COL21A1: variants seen among roughly 807,000 people sequenced by gnomAD.
The protein encoded by COL21A1 is collagen alpha-1(XXI) chain.
A neutral mutation model predicts 137.9 loss-of-function variants in COL21A1; 149 were observed. The observed-to-expected ratio is 1.08, with a 90% CI of 0.95 to 1.24. The LOEUF (loss-of-function observed/expected upper bound fraction) is 1.24, where lower values mean the gene tolerates loss of function less well. Ranked by LOEUF, COL21A1 falls within the 50% of genes most tolerant of loss-of-function variation. The pLI, the probability that COL21A1 is intolerant of heterozygous loss-of-function variation, is 0.00. For missense variants in COL21A1, 1,167 were observed against 1,158.4 expected (o/e 1.01, Z -0.11); for synonymous variants, 456 against 391.5 (o/e 1.16, Z -1.95).
At position 56,179,675 on chromosome 6, in the gene COL21A1, A is replaced by T. The variant is rs762327827; in HGVS notation, c.543T>A (p.Ala181=). The T allele has an allele frequency of 6.2e-7, 1 of 1,613,958 alleles. No individual in the cohort carries two copies. Among genetic ancestry groups the T allele is most frequent in the East Asian group, 2.2e-5 (1 of 44,880 alleles). Residue 181 remains alanine (A), a synonymous_variant, in exon 3 of 30, where the codon GCT becomes GCA. Transcript: ENST00000244728. ...AAGTAGACGAAGGCTTGTTGGCAAT[A>T]GCTCTAAGTTCGGCATCTTCTGTTT... The part of the protein sequence containing the change: ...GSETEDAELR[A]IANKPSSTYV...
intron 1 of COL21A1, among the ~76,000 whole-genome samples, chr6:56,332,307 G>A (rs1351057935): frequency 2.0e-5 from 3 of 151,868 alleles, no homozygotes; most frequent in Non-Finnish European, 2.9e-5. Flanking sequence ...TTTCAACTAT[G>A]ATTTCTTTAA....
intron 1 of COL21A1, among the ~76,000 whole-genome samples, chr6:56,382,153 T>C (rs1343623904): frequency 6.6e-6 from 1 of 152,198 alleles, no homozygotes; most frequent in Non-Finnish European, 1.5e-5. Context: ...ATCTACACAA[T>C]AGTACCATTG....
intron 1 of COL21A1, among the ~76,000 whole-genome samples, chr6:56,324,671 C>A (rs777164066): frequency 6.6e-6 from 1 of 151,930 alleles, no homozygotes; most frequent in Non-Finnish European, 1.5e-5. Flanking sequence ...CAGCCACGGA[C>A]CCCCAAGTAT....
chr6:56,228,333 G>C (rs1781339351), intron 1 of COL21A1, among the ~76,000 whole-genome samples: 1 of 151,826 alleles, frequency 6.6e-6, no homozygotes, highest in African/African-American at 2.4e-5. Flanking sequence ...AGAGCAGAAA[G>C]TGATTTGAGA....
chr6:56,288,881 T>C (rs1763974815), intron 1 of COL21A1, among the ~76,000 whole-genome samples: 1 of 152,214 alleles, frequency 6.6e-6, no homozygotes, highest in Non-Finnish European at 1.5e-5. Flanking sequence ...GACCTGTATA[T>C]CACAGTGTCT....
At chr6:56,110,820 G>T (rs142312564) in intron 16 of COL21A1, among the ~76,000 whole-genome samples, 2 of 152,056 alleles carry the variant, frequency 1.3e-5, no homozygotes, top group Admixed American at 1.3e-4. Context: ...ATAAAATAAA[G>T]AAAACTCACA....
chr6:56,385,684 C>T (rs1581798356), intron 1 of COL21A1, among the ~76,000 whole-genome samples: 1 of 152,160 alleles, frequency 6.6e-6, no homozygotes, highest in Non-Finnish European at 1.5e-5. Flanking sequence ...TTTATCACCC[C>T]AAAAGAAATC....
chr6:56,294,528 T>A (rs1764120958), intron 1 of COL21A1, among the ~76,000 whole-genome samples: 1 of 152,102 alleles, frequency 6.6e-6, no homozygotes. Flanking sequence ...ATTTTTAACA[T>A]CTTGCATTAG....
At chr6:56,110,313 T>C (rs1354691497) in intron 16 of COL21A1, among the ~76,000 whole-genome samples, 18 of 148,554 alleles carry the variant, frequency 1.2e-4, no homozygotes, top group Admixed American at 1.2e-3. Context: ...AAAAGAAAAC[T>C]CTCAATAGAC....
intron 1 of COL21A1, among the ~76,000 whole-genome samples, chr6:56,378,928 GTC>G (rs1179264220): frequency 2.0e-5 from 3 of 152,190 alleles, no homozygotes; most frequent in Non-Finnish European, 4.4e-5. Context: ...TAAAACAAGA[GTC>G]TCTGGGTAAT....
At position 56,183,398 on chromosome 6, in the gene COL21A1, A is replaced by G. The variant is rs144693826; in HGVS notation, c.-38-742T>C. Among the ~76,000 whole-genome samples, 48 of 152,340 alleles carry G rather than the reference A, an allele frequency of 3.2e-4. No homozygotes were observed. The East Asian group carries it at 9.1e-3, about 29-fold the overall frequency. ...ACAACTGCTTTAATCTCTGGCAGAA[A>G]GGGAATACTGATGAGAAGGAATTTG... On this transcript the variant is annotated intron_variant, in intron 1 of 29. Coordinates refer to ENST00000244728, the MANE Select transcript of COL21A1 (RefSeq NM_030820.4).
At chr6:56,260,693 C>A (rs12195165) in intron 1 of COL21A1, among the ~76,000 whole-genome samples, 2,077 of 40,412 alleles carry the variant, frequency 0.051, 85 homozygotes, top group Non-Finnish European at 0.057. Flanking sequence ...GGAAGGAAGG[C>A]AGGCAGGCAG....
chr6:56,318,946 ACT>A (rs1764806382), intron 1 of COL21A1, among the ~76,000 whole-genome samples: 2 of 145,092 alleles, frequency 1.4e-5, no homozygotes, highest in East Asian at 2.1e-4. Flanking sequence ...ACACACACAC[ACT>A]CTTAAACCCA....
At chr6:56,144,341 AGATTGACTCAACT>A (rs1774668914) in intron 10 of COL21A1, among the ~76,000 whole-genome samples, 1 of 152,146 alleles carries the variant, frequency 6.6e-6, no homozygotes, top group Non-Finnish European at 1.5e-5. Flanking sequence ...TGATCATTGT[AGATTGACTCAACT>A]GATTCAAAGA....
intron 1 of COL21A1, among the ~76,000 whole-genome samples, chr6:56,368,608 C>T (rs1420493091): frequency 6.6e-6 from 1 of 152,222 alleles, no homozygotes; most frequent in African/African-American, 2.4e-5. Context: ...TACTCCACAA[C>T]CTCTTCTCCT....
intron 1 of COL21A1, among the ~76,000 whole-genome samples, chr6:56,193,272 G>A (rs1401595354): frequency 6.6e-6 from 1 of 151,648 alleles, no homozygotes; most frequent in Non-Finnish European, 1.5e-5. Flanking sequence ...TAACAAAACT[G>A]CACATTCTGT....
intron 24 of COL21A1, 93 bp downstream of exon 24, chr6:56,064,485 C>T (rs781031630): frequency 3.6e-6 from 3 of 830,546 alleles, no homozygotes; most frequent in Non-Finnish European, 5.9e-6. Flanking sequence ...TCCTTCTCCC[C>T]ACCCATTTTT....
chr6:56,243,021 C>A (rs1782429716), intron 1 of COL21A1, among the ~76,000 whole-genome samples: 1 of 152,118 alleles, frequency 6.6e-6, no homozygotes, highest in South Asian at 2.1e-4. Flanking sequence ...TTATCCAGTG[C>A]CACCACTAAC....
intron 21 of COL21A1, among the ~76,000 whole-genome samples, chr6:56,069,772 G>A (rs2038173): frequency 0.77 from 115,926 of 150,464 alleles, 45,651 homozygotes; most frequent in African/African-American, 0.93. Context: ...TTTATCAACT[G>A]TATTTTATTT....
Sources: allele counts gnomAD v4.1 joint callset (sites outside exome capture counted in the v4.1 genomes callset), GRCh38; gene constraint gnomAD v4.1.1; transcripts MANE v1.5; gene names NCBI Gene and HGNC (gene_info 2026-07-23, HGNC 2026-07-21).